The following HUNK variants were observed in gnomAD, a reference collection of about 807,000 sequenced individuals.
The protein encoded by HUNK is hormonally up-regulated neu tumor-associated kinase.
In HUNK, 21 loss-of-function variants were observed where a neutral mutation model predicts 61.0. That is an observed-to-expected ratio of 0.34 (90% CI 0.24 to 0.50). The LOEUF (loss-of-function observed/expected upper bound fraction) is 0.50. Among genes scored for constraint, HUNK ranks in the 20% least tolerant of loss-of-function variants. The pLI is 0.98. For synonymous variants in HUNK, 371 were observed against 386.1 expected, an observed-to-expected ratio of 0.96 and a Z score of 0.46; for missense variants, 772 against 945.7, an observed-to-expected ratio of 0.82 and a Z score of 2.41.
intron 1 of HUNK, among the ~76,000 whole-genome samples, chr21:31,875,323 G>A (rs1373553168): frequency 6.6e-6 from 1 of 152,100 alleles, no homozygotes; most frequent in African/African-American, 2.4e-5. Context: ...TTTTGCCTGT[G>A]AATGCAGGTC....
intron 4 of HUNK, among the ~76,000 whole-genome samples, chr21:31,947,538 C>T (rs2052817553): frequency 6.6e-6 from 1 of 152,240 alleles, no homozygotes; most frequent in Non-Finnish European, 1.5e-5. Flanking sequence ...ATCCATTCCT[C>T]TCCTGTCTCC....
intron 1 of HUNK, among the ~76,000 whole-genome samples, chr21:31,912,068 A>G (rs920288955): frequency 1.3e-5 from 2 of 151,954 alleles, no homozygotes; most frequent in African/African-American, 4.8e-5. Context: ...GTCTACCCCA[A>G]ATTGGAATCT....
chr21:31,960,711 G>A (rs9680110), intron 5 of HUNK, among the ~76,000 whole-genome samples: 17,352 of 152,108 alleles, frequency 0.11, 1,083 homozygotes, highest in Non-Finnish European at 0.15. Flanking sequence ...CAGATCTCGT[G>A]AGACTTATTC....
chr21:31,955,083 G>A (rs1601396592), intron 4 of HUNK, among the ~76,000 whole-genome samples: 1 of 152,022 alleles, frequency 6.6e-6, no homozygotes, highest in East Asian at 1.9e-4. Context: ...CATTGCGCCT[G>A]GCTGAATGTG....
intron 2 of HUNK, among the ~76,000 whole-genome samples, chr21:31,931,420 C>T (rs1017760591): frequency 3.9e-5 from 6 of 152,196 alleles, no homozygotes; most frequent in South Asian, 2.1e-4. Context: ...CCTCTCACCT[C>T]GTAAATGGAG....
chr21:31,931,858 C>G (rs1177123439), intron 2 of HUNK, among the ~76,000 whole-genome samples: 1 of 152,094 alleles, frequency 6.6e-6, no homozygotes, highest in Non-Finnish European at 1.5e-5. Flanking sequence ...AGGGGAGAGA[C>G]TGCCTTCTCC....
chr21:31,964,497 C>G (rs756209539), intron 5 of HUNK, among the ~76,000 whole-genome samples: 1 of 152,150 alleles, frequency 6.6e-6, no homozygotes, highest in Admixed American at 6.5e-5. Context: ...CTGTGTGTTA[C>G]GTTGAGCAGG....
At chr21:31,938,733 G>A (rs745992366) in intron 2 of HUNK, among the ~76,000 whole-genome samples, 24 of 152,174 alleles carry the variant, frequency 1.6e-4, no homozygotes, top group Non-Finnish European at 2.6e-4. Context: ...GGAAGAGAAC[G>A]TGTGTTTGTA....
chr21:31,939,634 G>A (rs565255484), intron 2 of HUNK, among the ~76,000 whole-genome samples: 15 of 151,394 alleles, frequency 9.9e-5, no homozygotes, highest in Admixed American at 4.6e-4. Flanking sequence ...TCTCGAACTC[G>A]CGACCTCAGG....
At chr21:31,886,423 C>CA (rs35762828) in intron 1 of HUNK, among the ~76,000 whole-genome samples, 78,974 of 130,384 alleles carry the variant, frequency 0.61, 22,842 homozygotes, top group Middle Eastern at 0.73. Flanking sequence ...GAGACTGTCT[C>CA]AAAAAAAAAA....
chr21:31,967,594 G>T (rs941483672), intron 5 of HUNK, among the ~76,000 whole-genome samples: 3 of 152,140 alleles, frequency 2.0e-5, no homozygotes, highest in African/African-American at 7.2e-5. Context: ...AGGCGTGGTG[G>T]CTCAGGCCTA....
At chr21:31,977,787 G>C (rs2053060940) in intron 7 of HUNK, among the ~76,000 whole-genome samples, 1 of 152,236 alleles carries the variant, frequency 6.6e-6, no homozygotes, top group Admixed American at 6.5e-5. Flanking sequence ...GACTTCCTGG[G>C]CTCAAGCCAT....
intron 1 of HUNK, among the ~76,000 whole-genome samples, chr21:31,879,158 C>G (rs1030459276): frequency 2.6e-5 from 4 of 152,182 alleles, no homozygotes; most frequent in Admixed American, 2.6e-4. Context: ...TTTGGCAGAT[C>G]TGTTTTTAGC....
chr21:31,876,713 G>A (rs540596521), intron 1 of HUNK, among the ~76,000 whole-genome samples: 2 of 152,284 alleles, frequency 1.3e-5, no homozygotes, highest in Middle Eastern at 3.4e-3. Context: ...CCCCACTGTG[G>A]GTGACCCAGG....
intron 9 of HUNK, among the ~76,000 whole-genome samples, chr21:31,994,964 A>T (rs761560495): frequency 1.3e-5 from 2 of 152,178 alleles, no homozygotes; most frequent in African/African-American, 4.8e-5. Flanking sequence ...ACCAGCCTGG[A>T]TAACATAACG....
At chr21:31,984,841 G>A (rs1361298665) in intron 8 of HUNK, among the ~76,000 whole-genome samples, 6 of 152,160 alleles carry the variant, frequency 3.9e-5, no homozygotes, top group African/African-American at 1.4e-4. Context: ...AGGTCTATTA[G>A]TCTGTTCTCA....
intron 7 of HUNK, among the ~76,000 whole-genome samples, chr21:31,978,737 G>A (rs891970929): frequency 6.6e-6 from 1 of 152,072 alleles, no homozygotes; most frequent in African/African-American, 2.4e-5. Flanking sequence ...ATCCGTTGAT[G>A]GACACAATAG....
chr21:31,968,132 AC>A (rs1300171990), intron 5 of HUNK, 117 bp from the exon 6 acceptor site: 1 of 1,202,230 alleles, frequency 8.3e-7, no homozygotes, highest in East Asian at 2.4e-5. Context: ...AGAAGAGATC[AC>A]CCCAGCAGTG....
Position 31,999,306 on chromosome 21 carries a change from G to A in HUNK, c.*122G>A. On this transcript the variant is annotated 3_prime_UTR_variant, in exon 11 of 11. Transcript: ENST00000270112. ...AGCATCCTTAGTCCCACCTGTAGCT[G>A]AATCCACAGACCCAAAGCCTGCACA... is the stretch of plus-strand genomic sequence containing the variant. 1 of 883,774 alleles carries A rather than the reference G, an allele frequency of 1.1e-6. No individual in the cohort carries two copies. The highest frequency in any genetic ancestry group is 1.7e-6 in the Non-Finnish European group (1 of 576,824). The allele number at this position is 883,774 out of a possible 1,614,324, so 54.7% of individuals were successfully genotyped here. A position where few individuals can be genotyped will look rare whatever the true frequency, so the allele number is the denominator to read the frequency against.
Sources: allele counts gnomAD v4.1 joint callset (sites outside exome capture counted in the v4.1 genomes callset), GRCh38; gene constraint gnomAD v4.1.1; transcripts MANE v1.5; gene names NCBI Gene and HGNC (gene_info 2026-07-23, HGNC 2026-07-21).